Variants in PRKN observed in about 807,000 individuals in gnomAD.
PRKN encodes the protein parkin RBR E3 ubiquitin protein ligase.
Under a neutral mutation model 59.5 loss-of-function variants are expected in PRKN, and 56 were observed. The ratio of observed to expected loss-of-function variants is 0.94; its 90% CI spans 0.76 to 1.18. The LOEUF (loss-of-function observed/expected upper bound fraction) is 1.18. Ranked by LOEUF, PRKN falls within the 50% of genes most tolerant of loss-of-function variation. PRKN has a pLI of 0.00. For synonymous variants in PRKN, 250 were observed against 222.1 expected (o/e 1.13, Z -1.12); for missense variants, 657 against 596.4 (o/e 1.10, Z -1.06).
intron 6 of PRKN, among the ~76,000 whole-genome samples, chr6:161,872,583 T>C (rs1230291798): frequency 2.6e-5 from 4 of 152,130 alleles, no homozygotes; most frequent in Non-Finnish European, 5.9e-5. Context: ...GCTTTCCTGG[T>C]CACACAGAGG....
intron 7 of PRKN, among the ~76,000 whole-genome samples, chr6:161,742,608 A>G (rs1788235986): frequency 6.6e-6 from 1 of 152,210 alleles, no homozygotes; most frequent in Non-Finnish European, 1.5e-5. Flanking sequence ...GCTCTCACAT[A>G]TGCAAGGACA....
rs183305210 is a variant in PRKN at position 162,185,941 on chromosome 6, G to A, written c.534+15190C>T. The stretch of plus-strand genomic sequence containing the variant: ...ATTTAGCTCCCTGTTAAGAGAAGAG[G>A]CTATGTAGCAGAAGGAGAAAATCTT... On this transcript the variant is annotated intron_variant, in intron 4 of 11. Transcript: ENST00000366898. 7.0e-4 allele frequency among the ~76,000 whole-genome samples: 106 copies of A among 152,168 alleles called. 1 individual carries two copies. In the Middle Eastern group the frequency reaches 0.017, roughly 24 times the overall value.
intron 3 of PRKN, among the ~76,000 whole-genome samples, chr6:162,239,028 T>A (rs914002939): frequency 6.6e-6 from 1 of 152,108 alleles, no homozygotes; most frequent in South Asian, 2.1e-4. Flanking sequence ...ATCCAACAAA[T>A]GACCAGAGAA....
chr6:162,149,228 A>G (rs1782156773), intron 4 of PRKN, among the ~76,000 whole-genome samples: 2 of 152,104 alleles, frequency 1.3e-5, no homozygotes, highest in Non-Finnish European at 1.5e-5. Flanking sequence ...AATAAAATAT[A>G]AGACTTTACT....
intron 3 of PRKN, among the ~76,000 whole-genome samples, chr6:162,235,835 A>G (rs1778633775): frequency 6.7e-6 from 1 of 149,534 alleles, no homozygotes; most frequent in African/African-American, 2.5e-5. Flanking sequence ...AGAGAGAGGG[A>G]GGGAGGAAAG....
At chr6:161,567,426 A>G (rs531497664) in intron 8 of PRKN, among the ~76,000 whole-genome samples, 1 of 152,246 alleles carries the variant, frequency 6.6e-6, no homozygotes, top group South Asian at 2.1e-4. Context: ...GTTTATGTGT[A>G]TATAATATGG....
intron 4 of PRKN, among the ~76,000 whole-genome samples, chr6:162,095,919 A>C (rs1053071437): frequency 5.9e-5 from 9 of 152,328 alleles, no homozygotes; most frequent in Middle Eastern, 3.4e-3. Context: ...ATAAAGTTAA[A>C]GAAGATCCTG....
rs1582982333 is a variant in PRKN, at chr6:161,369,849, CAG to C, written c.1168-9646_1168-9645del. 2 of 276,318 alleles carry C rather than the reference CAG, an allele frequency of 7.2e-6. No individual in the cohort carries two copies. Among genetic ancestry groups the C allele is most frequent in the South Asian group, 3.4e-5 (1 of 29,228 alleles). The allele number at this position is 276,318 out of a possible 1,614,324, so 17.1% of individuals were successfully genotyped here. On this transcript the variant is annotated intron_variant, in intron 10 of 11. Coordinates refer to ENST00000366898, the MANE Select transcript of PRKN (RefSeq NM_004562.3). This position sits in a 1 kb window ranked among gnomAD's most constrained non-coding sequence, Gnocchi z 5.8. ...TATTTCATATACATATAGAGAGAGACAGAGAGAATCAAAATTCCCTCAGAAAG... is the reference window on the plus strand; with the variant it reads ...TATTTCATATACATATAGAGAGAGACAGAGAATCAAAATTCCCTCAGAAAG...
chr6:161,470,068 A>G lies in PRKN; in HGVS notation c.1083+78786T>C, dbSNP rs956584721. Among the ~76,000 whole-genome samples, 1 of 152,168 alleles carries G rather than the reference A, an allele frequency of 6.6e-6. No individual in the cohort carries two copies. Among genetic ancestry groups the G allele is most frequent in the African/African-American group, 2.4e-5 (1 of 41,436 alleles). On this transcript the variant is annotated intron_variant, in intron 9 of 11. Transcript: ENST00000366898. The surrounding 1 kb of genome is among the most constrained non-coding windows in gnomAD (Gnocchi z 5.1). ...TCACCAAGGTAGGCACTCTTAAAAA[A>G]CACCCATTTAATAGAAGAGGAAAGT... is the stretch of plus-strand genomic sequence containing the variant.
chr6:162,476,628 C>G (rs1374837602), intron 1 of PRKN, among the ~76,000 whole-genome samples: 1 of 152,216 alleles, frequency 6.6e-6, no homozygotes, highest in Non-Finnish European at 1.5e-5. Flanking sequence ...CACAGGGAAG[C>G]CCAATGGGTC....
At chr6:162,327,838 A>G (rs971482929) in intron 2 of PRKN, among the ~76,000 whole-genome samples, 5 of 151,992 alleles carry the variant, frequency 3.3e-5, no homozygotes, top group African/African-American at 1.2e-4. Context: ...TTATCTTTCT[A>G]CTGGGTGGAT....
intron 2 of PRKN, among the ~76,000 whole-genome samples, chr6:162,298,438 G>A (rs1781784559): frequency 6.6e-6 from 1 of 151,816 alleles, no homozygotes; most frequent in Admixed American, 6.6e-5. Flanking sequence ...TTTTAAAACT[G>A]TTTTCTTCAG....
intron 4 of PRKN, among the ~76,000 whole-genome samples, chr6:162,062,298 A>G (rs1441918903): frequency 6.6e-6 from 1 of 152,226 alleles, no homozygotes; most frequent in Non-Finnish European, 1.5e-5. Flanking sequence ...AATCAGCCTG[A>G]GTGAAAGAAG....
At position 161,568,018 on chromosome 6, in the gene PRKN, A is replaced by G. The variant is rs1780720363; in HGVS notation, c.933+1337T>C. On this transcript the variant is annotated intron_variant, in intron 8 of 11. Transcript: ENST00000366898. ...TGATTTCACTTGTATTTGAATATAC[A>G]TTTATGCCTGCTATTCTGGAAACTC... 2.0e-5 allele frequency among the ~76,000 whole-genome samples: 3 copies of G among 152,234 alleles called. No individual in the cohort carries two copies. In the South Asian group the frequency reaches 6.2e-4, roughly 32 times the overall value.
chr6:162,388,458 ATGCACTAC>A (rs1291994040), intron 2 of PRKN, among the ~76,000 whole-genome samples: 2 of 152,220 alleles, frequency 1.3e-5, no homozygotes, highest in African/African-American at 4.8e-5. Flanking sequence ...TGAAAATTAA[ATGCACTAC>A]TTCCTCACTT....
In PRKN at chr6:161,373,930, G is replaced by A. The variant is rs1236478707; in HGVS notation, c.1167+12864C>T. On this transcript the variant is annotated intron_variant, in intron 10 of 11. Transcript: ENST00000366898. This position sits in a 1 kb window ranked among gnomAD's most constrained non-coding sequence, Gnocchi z 4.8. ...GATTCCCTCTTGCCTGTTGTCGGCT[G>A]GGCCACTATGCAGGCGTGGCTGGGG... 6.6e-6 allele frequency among the ~76,000 whole-genome samples: 1 copy of A among 152,128 alleles called. No individual in the cohort carries two copies. Among genetic ancestry groups the A allele is most frequent in the African/African-American group, 2.4e-5 (1 of 41,422 alleles).
intron 7 of PRKN, among the ~76,000 whole-genome samples, chr6:161,610,016 A>C (rs759702022): frequency 1.3e-5 from 2 of 152,246 alleles, no homozygotes; most frequent in African/African-American, 2.4e-5. Flanking sequence ...TAAGCAAAAA[A>C]AATTTTTTGA....
intron 1 of PRKN, among the ~76,000 whole-genome samples, chr6:162,550,746 G>A (rs1779303036): frequency 6.6e-6 from 1 of 152,148 alleles, no homozygotes; most frequent in African/African-American, 2.4e-5. Context: ...CCATATTTAA[G>A]TTCTTACAAA....
At chr6:162,298,604 T>TCCCACCCC (rs1781792557) in intron 2 of PRKN, among the ~76,000 whole-genome samples, 1 of 57,614 alleles carries the variant, frequency 1.7e-5, no homozygotes, top group Non-Finnish European at 3.7e-5. Flanking sequence ...TTAGTGACTC[T>TCCCACCCC]CCCACCCCCC....
Sources: gnomAD v4.1 joint callset for allele counts (sites outside exome capture counted in the v4.1 genomes callset) on GRCh38, gnomAD v4.1.1 for gene constraint, Gnocchi (gnomAD v3.1) non-coding constraint, MANE v1.5 for transcripts, NCBI Gene and HGNC (gene_info 2026-07-23, HGNC 2026-07-21) for gene names.